PRKAR1A: variants seen among roughly 807,000 people sequenced by gnomAD.
PRKAR1A encodes protein kinase cAMP-dependent type I regulatory subunit alpha.
Under a neutral mutation model 52.0 loss-of-function variants are expected in PRKAR1A, and 3 were observed. The observed-to-expected ratio is 0.06, with a 90% CI of 0.03 to 0.15. PRKAR1A has a LOEUF of 0.15. Among genes scored for constraint, PRKAR1A ranks in the 10% least tolerant of loss-of-function variants. The probability of loss-of-function intolerance (pLI) is 1.00; values close to 1 mark genes in which losing one functional copy is unlikely to be tolerated. For missense variants in PRKAR1A, 240 were observed against 477.4 expected, an observed-to-expected ratio of 0.50 and a Z score of 4.63; for synonymous variants, 188 against 168.4, an observed-to-expected ratio of 1.12 and a Z score of -0.90.
chr17:68,439,714 G>A, the PRKAR1A span, among the ~76,000 whole-genome samples: 2 of 152,358 alleles, frequency 1.3e-5, no homozygotes, highest in South Asian at 4.1e-4. Context: ...GAGGACATGA[G>A]TTCAAGACTG....
intron 2 of PRKAR1A, among the ~76,000 whole-genome samples, chr17:68,516,177 A>G (rs1007244269): frequency 1.3e-5 from 2 of 151,960 alleles, no homozygotes; most frequent in Non-Finnish European, 2.9e-5. Context: ...AATTAATCCA[A>G]TTTTTATTCT....
the PRKAR1A span, among the ~76,000 whole-genome samples, chr17:68,459,612 C>G: frequency 5.9e-5 from 9 of 152,174 alleles, no homozygotes; most frequent in African/African-American, 2.2e-4. Context: ...GAAAACAAGG[C>G]CAGAAAATTA....
At chr17:68,430,070 C>T in the PRKAR1A span, 2 of 1,614,190 alleles carry the variant, frequency 1.2e-6, no homozygotes, top group Non-Finnish European at 1.7e-6. Flanking sequence ...CCTGATGCAT[C>T]ATGTCTGACA....
the PRKAR1A span, among the ~76,000 whole-genome samples, chr17:68,424,938 G>A: frequency 6.6e-6 from 1 of 152,228 alleles, no homozygotes; most frequent in African/African-American, 2.4e-5. Flanking sequence ...GACTATCTGG[G>A]ATGTTTTGAC....
chr17:68,465,603 C>T, the PRKAR1A span, among the ~76,000 whole-genome samples: 2 of 146,424 alleles, frequency 1.4e-5, no homozygotes, highest in Admixed American at 6.9e-5. Context: ...TACAGACGTG[C>T]GGTGCGCGAC....
chr17:68,526,145 A>G (rs2085783994), intron 7 of PRKAR1A, among the ~76,000 whole-genome samples: 1 of 152,240 alleles, frequency 6.6e-6, no homozygotes, highest in Non-Finnish European at 1.5e-5. Context: ...TTGGGAAACA[A>G]GATCTGGTAT....
At chr17:68,519,622 C>T (rs372298450) in intron 2 of PRKAR1A, among the ~76,000 whole-genome samples, 5 of 152,190 alleles carry the variant, frequency 3.3e-5, no homozygotes, top group Non-Finnish European at 7.4e-5. Flanking sequence ...TCACCTTCTT[C>T]GTCATTACTG....
the PRKAR1A span, among the ~76,000 whole-genome samples, chr17:68,452,731 G>C: frequency 6.6e-6 from 1 of 152,174 alleles, no homozygotes; most frequent in Non-Finnish European, 1.5e-5. Flanking sequence ...AGATCTAAGT[G>C]CTTGTGGTTT....
intron 7 of PRKAR1A, 74 bp downstream of exon 7, chr17:68,525,986 T>C: frequency 2.6e-6 from 4 of 1,523,136 alleles, no homozygotes; most frequent in Middle Eastern, 1.7e-4. Flanking sequence ...TATTACCAAA[T>C]TAAAAAGAGA....
intron 4 of PRKAR1A, 61 bp from the exon 5 acceptor site, chr17:68,523,955 A>G (rs2085699923): frequency 1.3e-6 from 2 of 1,598,680 alleles, no homozygotes; most frequent in African/African-American, 2.7e-5. Flanking sequence ...TCTAAGCTTA[A>G]TGTTTGAAAT....
chr17:68,473,539 T>A, the PRKAR1A span, among the ~76,000 whole-genome samples: 6 of 152,160 alleles, frequency 3.9e-5, no homozygotes, highest in East Asian at 1.2e-3. Flanking sequence ...ATTTATTTAT[T>A]TGAGACAGAG....
At chr17:68,482,480 A>T in the PRKAR1A span, among the ~76,000 whole-genome samples, 2 of 152,216 alleles carry the variant, frequency 1.3e-5, no homozygotes, top group Non-Finnish European at 2.9e-5. Context: ...ACGGTGCTGT[A>T]ATAAGGAAGC....
the PRKAR1A span, chr17:68,453,055 A>G: frequency 7.2e-7 from 1 of 1,397,884 alleles, no homozygotes; most frequent in South Asian, 1.2e-5. Flanking sequence ...TCTGTCTGCA[A>G]ATAGATGCCT....
chr17:68,538,021 A>G (rs556499260), downstream of PRKAR1A, among the ~76,000 whole-genome samples: 50 of 152,334 alleles, frequency 3.3e-4, no homozygotes, highest in African/African-American at 1.0e-3. Flanking sequence ...TTCTCTGACA[A>G]CGCTAAGGGA....
intron 11 of PRKAR1A, among the ~76,000 whole-genome samples, chr17:68,545,895 T>C (rs549283166): frequency 1.4e-4 from 21 of 152,258 alleles, no homozygotes; most frequent in African/African-American, 4.8e-4. Flanking sequence ...ATTGGTCGGG[T>C]GCGGTGGCTC....
At chr17:68,469,823 G>A in the PRKAR1A span, among the ~76,000 whole-genome samples, 1 of 151,914 alleles carries the variant, frequency 6.6e-6, no homozygotes, top group African/African-American at 2.4e-5. Flanking sequence ...ATTTATTAAT[G>A]CATTAAAGTA....
the PRKAR1A span, among the ~76,000 whole-genome samples, chr17:68,442,466 A>G: frequency 2.5e-3 from 349 of 140,730 alleles, 1 homozygote; most frequent in African/African-American, 7.8e-3. Context: ...CTGTGTCTCA[A>G]AAAAAAAAAA....
At chr17:68,511,049 C>T (rs1461266513), upstream of PRKAR1A, among the ~76,000 whole-genome samples, 2 of 152,198 alleles carry the variant, frequency 1.3e-5, no homozygotes, top group African/African-American at 4.8e-5. Flanking sequence ...AAAATATTAT[C>T]ATTTCAATCT....
the PRKAR1A span, among the ~76,000 whole-genome samples, chr17:68,503,442 G>A: frequency 6.6e-6 from 1 of 152,186 alleles, no homozygotes; most frequent in Non-Finnish European, 1.5e-5. Flanking sequence ...GGAAGCAAAC[G>A]AGATGTCCTT....
Sources: gnomAD v4.1 joint callset for allele counts (sites outside exome capture counted in the v4.1 genomes callset) on GRCh38, gnomAD v4.1.1 for gene constraint, MANE v1.5 for transcripts, NCBI Gene and HGNC (gene_info 2026-07-23, HGNC 2026-07-21) for gene names.